The following XPO4 variants were observed in gnomAD, a reference collection of about 807,000 sequenced individuals.
XPO4 encodes the protein exportin-4.
A neutral mutation model predicts 143.0 loss-of-function variants in XPO4; 39 were observed. That is an observed-to-expected ratio of 0.27 (90% CI 0.21 to 0.36). XPO4 has a LOEUF of 0.36. Ranked by LOEUF, XPO4 falls within the 10% of genes least tolerant of loss-of-function variation. The pLI is 1.00. For synonymous variants in XPO4, 439 were observed against 474.0 expected (o/e 0.93, Z 0.96); for missense variants, 907 against 1,348.0 (o/e 0.67, Z 5.12).
rs2059165321 is a variant in XPO4, at chr13:20,783,621, A to C, written c.*101T>G. 7.6e-7 allele frequency: 1 copy of C among 1,315,816 alleles called. No individual in the cohort carries two copies. Among genetic ancestry groups the C allele is most frequent in the Admixed American group, 1.8e-5 (1 of 55,076 alleles). 81.5% of individuals were successfully genotyped at this position (1,315,816 alleles called of 1,614,324 possible). A position where few individuals can be genotyped will look rare whatever the true frequency, so the allele number is the denominator to read the frequency against. ...AGTTTCAGGCTCTCCAAAATCCAAA[A>C]TGGCCAAATGAACTGAGGAATAGGA... On this transcript the variant is annotated 3_prime_UTR_variant, in exon 23 of 23. Transcript: ENST00000255305.
At chr13:20,882,295 G>A (rs2060418898) in intron 1 of XPO4, among the ~76,000 whole-genome samples, 1 of 151,886 alleles carries the variant, frequency 6.6e-6, no homozygotes, top group Admixed American at 6.6e-5. Flanking sequence ...TCATGTTTCT[G>A]CAAGCCATAC....
chr13:20,820,457 G>A (rs984514547), intron 9 of XPO4, among the ~76,000 whole-genome samples: 9 of 152,176 alleles, frequency 5.9e-5, no homozygotes, highest in African/African-American at 2.2e-4. Flanking sequence ...TGGTTTAGAA[G>A]AGAAAATAAA....
At chr13:20,832,792 T>A (rs1317955730) in intron 6 of XPO4, among the ~76,000 whole-genome samples, 1 of 152,188 alleles carries the variant, frequency 6.6e-6, no homozygotes, top group Non-Finnish European at 1.5e-5. Flanking sequence ...CTTACCTGAA[T>A]GTTTTCCCAA....
At chr13:20,877,946 C>CA (rs1448531821) in intron 1 of XPO4, among the ~76,000 whole-genome samples, 1 of 152,122 alleles carries the variant, frequency 6.6e-6, no homozygotes, top group Non-Finnish European at 1.5e-5. Context: ...TGGCTCATGC[C>CA]AGCACTTTGG....
chr13:20,785,670 A>G (rs1381048121), intron 22 of XPO4, among the ~76,000 whole-genome samples: 1 of 138,894 alleles, frequency 7.2e-6, no homozygotes, highest in Non-Finnish European at 1.5e-5. Flanking sequence ...CCTGTCTCAG[A>G]AAAAAAAAAA....
intron 1 of XPO4, among the ~76,000 whole-genome samples, chr13:20,892,117 A>G (rs2060524196): frequency 6.6e-6 from 1 of 151,484 alleles, no homozygotes. Context: ...AGTGCAGTAC[A>G]GTGGTGCAAT....
intron 16 of XPO4, among the ~76,000 whole-genome samples, chr13:20,797,925 G>T (rs950307369): frequency 6.6e-6 from 1 of 152,096 alleles, no homozygotes; most frequent in Non-Finnish European, 1.5e-5. Flanking sequence ...TGAGGTGGGC[G>T]GATCACTTGA....
intron 18 of XPO4, among the ~76,000 whole-genome samples, chr13:20,794,421 T>A (rs2059329003): frequency 6.6e-6 from 1 of 152,170 alleles, no homozygotes; most frequent in African/African-American, 2.4e-5. Context: ...TGACAGTAAA[T>A]CATCTAAACA....
At chr13:20,870,289 G>C (rs2060283329) in intron 1 of XPO4, among the ~76,000 whole-genome samples, 1 of 150,842 alleles carries the variant, frequency 6.6e-6, no homozygotes, top group South Asian at 2.1e-4. Flanking sequence ...AAATTAGCCA[G>C]GCATGGTGGT....
intron 6 of XPO4, among the ~76,000 whole-genome samples, chr13:20,837,355 T>C (rs1003674659): frequency 6.6e-6 from 1 of 152,200 alleles, no homozygotes; most frequent in Non-Finnish European, 1.5e-5. Flanking sequence ...TTGTTCCTAG[T>C]TGAGAATCAA....
chr13:20,799,323 G>T lies in XPO4; in HGVS notation c.2164C>A (p.Gln722Lys). ...GCTAAATTCCACCAGTTCTCACATT[G>T]AATTACTAAGTTTGCCCTACAGGTA... ...ERRERANLVI[Q>K]CENWWNLAKQ... Residue 722 changes from glutamine to lysine, a missense_variant, in exon 16 of 23, where the codon CAA becomes AAA. Coordinates refer to ENST00000255305, the MANE Select transcript of XPO4 (RefSeq NM_022459.5). The T allele has an allele frequency of 1.2e-6, 2 of 1,612,752 alleles. No individual in the cohort carries two copies. The highest frequency in any genetic ancestry group is 8.5e-7 in the Non-Finnish European group (1 of 1,179,186).
At chr13:20,858,922 GTATATATATA>G (rs59921874) in intron 3 of XPO4, among the ~76,000 whole-genome samples, 115,078 of 148,776 alleles carry the variant, frequency 0.77, 44,660 homozygotes, top group East Asian at 0.94. Flanking sequence ...ATGTGTGTGT[GTATATATATA>G]TATATATATA....
intron 1 of XPO4, among the ~76,000 whole-genome samples, chr13:20,892,753 G>A (rs558513829): frequency 2.6e-5 from 4 of 152,100 alleles, no homozygotes; most frequent in South Asian, 4.1e-4. Context: ...GTGTGGTGGC[G>A]TGCACCTGTG....
chr13:20,821,924 TTATTAA>T (rs2059724829), intron 8 of XPO4, 46 bp from the exon 9 acceptor site: 1 of 1,533,182 alleles, frequency 6.5e-7, no homozygotes, highest in Non-Finnish European at 8.8e-7. Context: ...AAAAGAAAAA[TTATTAA>T]TATAATAACT....
intron 4 of XPO4, among the ~76,000 whole-genome samples, chr13:20,854,179 T>G (rs1428288073): frequency 1.3e-5 from 2 of 152,092 alleles, no homozygotes; most frequent in African/African-American, 4.8e-5. Context: ...GTAGGGTATA[T>G]ATAGTAAGTT....
chr13:20,813,337 C>A (rs915066671), intron 9 of XPO4, among the ~76,000 whole-genome samples: 5 of 152,092 alleles, frequency 3.3e-5, no homozygotes, highest in African/African-American at 4.8e-5. Context: ...AGACTTTCTA[C>A]AAATCAGTAA....
chr13:20,890,811 A>AC (rs1010312179), intron 1 of XPO4, among the ~76,000 whole-genome samples: 4 of 151,256 alleles, frequency 2.6e-5, no homozygotes, highest in Non-Finnish European at 4.4e-5. Flanking sequence ...AAAAAAAAAA[A>AC]AAAAAAAAGG....
intron 22 of XPO4, among the ~76,000 whole-genome samples, chr13:20,784,331 G>A (rs1322533119): frequency 1.3e-5 from 2 of 152,168 alleles, no homozygotes. Flanking sequence ...TTCCCCAGAG[G>A]TTAATAGAGA....
chr13:20,783,223 C>T lies in XPO4; in HGVS notation c.*499G>A, dbSNP rs1203141230. On this transcript the variant is annotated 3_prime_UTR_variant, in exon 23 of 23. Coordinates refer to ENST00000255305, the MANE Select transcript of XPO4 (RefSeq NM_022459.5). Reference sequence around the variant, plus strand: ...GCTTATTAACATGAAGACTCCTGGGCCCAACAACCAGACATTCTGACTCTG... The same window carrying T: ...GCTTATTAACATGAAGACTCCTGGGTCCAACAACCAGACATTCTGACTCTG... 3 of 158,292 alleles carry T rather than the reference C, an allele frequency of 1.9e-5. No individual in the cohort carries two copies. Among genetic ancestry groups the T allele is most frequent in the African/African-American group, 7.2e-5 (3 of 41,478 alleles). The allele number at this position is 158,292 out of a possible 1,614,324, so 9.8% of individuals were successfully genotyped here.
Sources: gnomAD v4.1 joint callset for allele counts (sites outside exome capture counted in the v4.1 genomes callset) on GRCh38, gnomAD v4.1.1 for gene constraint, MANE v1.5 for transcripts, NCBI Gene and HGNC (gene_info 2026-07-23, HGNC 2026-07-21) for gene names.